Variants in ZNF841 observed in about 807,000 individuals in gnomAD.
The protein encoded by ZNF841 is zinc finger protein 841.
In ZNF841, 11 loss-of-function variants were observed where a neutral mutation model predicts 13.0. That is an observed-to-expected ratio of 0.85 (90% CI 0.53 to 1.40). The LOEUF (loss-of-function observed/expected upper bound fraction) is 1.40, where lower values mean the gene tolerates loss of function less well. Among genes scored for constraint, ZNF841 ranks in the 40% most tolerant of loss-of-function variants. The probability of loss-of-function intolerance (pLI) is 0.00; values close to 1 mark genes in which losing one functional copy is unlikely to be tolerated. For missense variants in ZNF841, 1,068 were observed against 1,139.5 expected (o/e 0.94, Z 0.90); for synonymous variants, 369 against 381.6 (o/e 0.97, Z 0.38).
At chr19:52,077,514 T>C (rs777893118) in intron 4 of ZNF841, among the ~76,000 whole-genome samples, 1 of 152,184 alleles carries the variant, frequency 6.6e-6, no homozygotes, top group African/African-American at 2.4e-5. Flanking sequence ...ACACTCCCCA[T>C]GTACCGGGCA....
At chr19:52,078,474 C>T (rs917674947) in intron 4 of ZNF841, among the ~76,000 whole-genome samples, 34 of 151,686 alleles carry the variant, frequency 2.2e-4, no homozygotes, top group Non-Finnish European at 4.3e-4. Context: ...CCGAGGTGGG[C>T]GGATCACAAG....
At chr19:52,091,157 T>C (rs766180373) in intron 2 of ZNF841, among the ~76,000 whole-genome samples, 7 of 152,054 alleles carry the variant, frequency 4.6e-5, no homozygotes, top group Non-Finnish European at 1.0e-4. Flanking sequence ...CCACAGGCAT[T>C]GGGGCTGCAA....
the ZNF841 span, chr19:52,058,889 C>T: frequency 6.5e-6 from 1 of 153,124 alleles, no homozygotes; most frequent in African/African-American, 2.4e-5. Flanking sequence ...TTCACTCCAG[C>T]CTGGGTGACA....
At chr19:52,089,763 C>G (rs2088409584) in intron 2 of ZNF841, among the ~76,000 whole-genome samples, 1 of 152,128 alleles carries the variant, frequency 6.6e-6, no homozygotes, top group South Asian at 2.1e-4. Flanking sequence ...CTCTTATAAC[C>G]ACACTTGGGA....
intron 4 of ZNF841, 92 bp downstream of exon 4, chr19:52,084,695 G>T: frequency 1.4e-6 from 2 of 1,417,320 alleles, no homozygotes; most frequent in Non-Finnish European, 2.0e-6. Context: ...TGTCAGGCAG[G>T]ATACTTCAGA....
At chr19:52,090,605 C>T (rs1475592404) in intron 2 of ZNF841, among the ~76,000 whole-genome samples, 2 of 112,600 alleles carry the variant, frequency 1.8e-5, no homozygotes, top group Non-Finnish European at 3.5e-5. Context: ...AGGCTGGTCT[C>T]TTAAAAAAAG....
At chr19:52,073,614 C>G (rs901083573) in intron 6 of ZNF841, among the ~76,000 whole-genome samples, 2 of 152,020 alleles carry the variant, frequency 1.3e-5, no homozygotes, top group Non-Finnish European at 2.9e-5. Flanking sequence ...TGGCCCAATA[C>G]CAGTTTTTTA....
At position 52,067,002 on chromosome 19, in the gene ZNF841, A is replaced by C. The variant is rs1568536107; in HGVS notation, c.880T>G (p.Ser294Ala). 1 of 1,614,020 alleles carries C rather than the reference A, an allele frequency of 6.2e-7. No homozygotes were observed. The highest frequency in any genetic ancestry group is 8.5e-7 in the Non-Finnish European group (1 of 1,179,982). ...GAGCCCCGATGAAAGGCTTTACCAG[A>C]CTCATTGCATCTGTAAGGTTTCTCT... ...TTEKPYRCNESGKAFHRGSLL... is the reference protein window; with the variant it reads ...TTEKPYRCNEAGKAFHRGSLL... Residue 294 changes from serine to alanine, a missense_variant, in exon 7 of 7, where the codon TCT becomes GCT. Transcript: ENST00000594440.
At position 52,079,714 on chromosome 19, in the gene ZNF841, G is replaced by A. The variant is rs146868264; in HGVS notation, c.16-2630C>T. 2.6e-3 allele frequency among the ~76,000 whole-genome samples: 396 copies of A among 152,126 alleles called. 1 individual carries two copies. The highest frequency in any genetic ancestry group is 8.6e-3 in the African/African-American group (355 of 41,510). On this transcript the variant is annotated intron_variant, in intron 4 of 6. Coordinates refer to ENST00000594440, the MANE Select transcript of ZNF841 (RefSeq NM_001136499.2). Reference sequence around the variant, plus strand: ...ATTAAGAGATAACATGATTGTGGCCGGGCACGGTGGCTCATACCTGTAATT... The same window carrying A: ...ATTAAGAGATAACATGATTGTGGCCAGGCACGGTGGCTCATACCTGTAATT...
intron 4 of ZNF841, among the ~76,000 whole-genome samples, chr19:52,079,412 A>T (rs944873928): frequency 7.5e-5 from 11 of 147,016 alleles, no homozygotes; most frequent in Non-Finnish European, 1.6e-4. Context: ...TTTAAAAATC[A>T]TGTTGCAAAG....
intron 4 of ZNF841, among the ~76,000 whole-genome samples, chr19:52,081,373 C>T (rs1054725038): frequency 2.6e-5 from 4 of 151,972 alleles, no homozygotes; most frequent in Non-Finnish European, 2.9e-5. Context: ...TATGGCTGCA[C>T]GAGCCATGAA....
chr19:52,077,239 T>G (rs951635713), intron 4 of ZNF841, among the ~76,000 whole-genome samples, 155 bp from the exon 5 acceptor site: 8 of 152,224 alleles, frequency 5.3e-5, no homozygotes, highest in African/African-American at 1.9e-4. Context: ...TCCCTGATTT[T>G]GGGTTTTATA....
At chr19:52,077,417 G>A (rs2087941579) in intron 4 of ZNF841, among the ~76,000 whole-genome samples, 1 of 152,224 alleles carries the variant, frequency 6.6e-6, no homozygotes, top group Non-Finnish European at 1.5e-5. Context: ...TGTCTTCAGA[G>A]ATGACAATGT....
At chr19:52,085,981 AG>A (rs1207174078) in intron 3 of ZNF841, among the ~76,000 whole-genome samples, 3 of 152,246 alleles carry the variant, frequency 2.0e-5, no homozygotes, top group Non-Finnish European at 2.9e-5. Flanking sequence ...AGCTAAAGCC[AG>A]GAAGTACAGG....
Position 52,065,463 on chromosome 19 carries a change from T to A in ZNF841, c.2419A>T (p.Ile807Phe). ...TGCATCATCTGATGATTAAGCAGAA[T>A]TGAACGTACTCTAAAGGCTTTGCCA... ...ECGKAFRVRS[I>F]LLNHQMMHTG... The change falls in exon 7 of 7, where the codon ATT becomes TTT. Residue 807 changes from isoleucine (I) to phenylalanine (F), a missense_variant. By Grantham distance (21) the Ile-to-Phe change is conservative (BLOSUM62 0). Transcript: ENST00000594440. 6.2e-7 allele frequency: 1 copy of A among 1,614,000 alleles called. No homozygotes were observed. The highest frequency in any genetic ancestry group is 1.3e-5 in the African/African-American group (1 of 74,952).
intron 5 of ZNF841, chr19:52,076,511 G>A: frequency 3.3e-6 from 1 of 299,308 alleles, no homozygotes; most frequent in South Asian, 3.4e-5. Context: ...TGGGCATGGT[G>A]TTGCACACCC....
In ZNF841 at chr19:52,076,104, T is replaced by G; in HGVS notation, c.211A>C (p.Ser71Arg). 1 of 1,556,144 alleles carries G rather than the reference T, an allele frequency of 6.4e-7. No individual in the cohort carries two copies. The highest frequency in any genetic ancestry group is 1.2e-5 in the South Asian group (1 of 84,350). ...EQGKEPWTVV[S>R]QVKIARNPNC... Reference sequence around the variant, plus strand: ...GGGTTCCTCGCTATTTTCACTTGGCTCACCACAGTCCAGGGCTCTTTCCCT... The same window carrying G: ...GGGTTCCTCGCTATTTTCACTTGGCGCACCACAGTCCAGGGCTCTTTCCCT... The change falls in exon 6 of 7, where the codon AGC becomes CGC. Residue 71 changes from serine to arginine, a missense_variant. Ser to Arg is a moderately radical substitution (Grantham distance 110). Transcript: ENST00000594440.
At chr19:52,085,346 A>C (rs2088235745) in intron 3 of ZNF841, among the ~76,000 whole-genome samples, 1 of 152,220 alleles carries the variant, frequency 6.6e-6, no homozygotes, top group African/African-American at 2.4e-5. Context: ...AAGGGCACAA[A>C]ACGTGTATTT....
rs777760605 is a variant in ZNF841 at position 52,077,084 on chromosome 19, C to G, written c.16G>C (p.Gly6Arg). MALPQ[G>R]SLTFRDVAVE... The stretch of plus-strand genomic sequence containing the variant: ...GCCACATCCCTGAATGTCAAAGATC[C>G]CTGAAATGAAAAACACATTTCAATA... The change falls in exon 5 of 7, where the codon GGA (glycine) becomes CGA (arginine). Residue 6 changes from glycine (G) to arginine (R), a missense_variant and splice_region_variant. Physicochemically the swap from Gly to Arg is moderately radical, Grantham distance 125 (BLOSUM62 -2). Transcript: ENST00000594440. 1 of 1,605,930 alleles carries G rather than the reference C, an allele frequency of 6.2e-7. No individual in the cohort carries two copies. The highest frequency in any genetic ancestry group is 1.1e-5 in the South Asian group (1 of 90,016).
Sources: allele counts gnomAD v4.1 joint callset (sites outside exome capture counted in the v4.1 genomes callset), GRCh38; gene constraint gnomAD v4.1.1; transcripts MANE v1.5; gene names NCBI Gene and HGNC (gene_info 2026-07-23, HGNC 2026-07-21).